Variants in RAD18 observed in about 807,000 individuals in gnomAD.
RAD18 encodes RAD18 E3 ubiquitin protein ligase.
A neutral mutation model predicts 60.4 loss-of-function variants in RAD18; 47 were observed. That is an observed-to-expected ratio of 0.78 (90% confidence interval 0.62 to 0.99). The LOEUF is 0.99. Ranked by LOEUF, RAD18 falls within the 50% of genes least tolerant of loss-of-function variation. The probability of loss-of-function intolerance (pLI) is 0.00; values close to 1 mark genes in which losing one functional copy is unlikely to be tolerated. For synonymous variants in RAD18, 225 were observed against 195.5 expected, an observed-to-expected ratio of 1.15 and a Z score of -1.26; for missense variants, 640 against 593.3, an observed-to-expected ratio of 1.08 and a Z score of -0.82.
At chr3:8,931,599 C>G (rs440496) in intron 7 of RAD18, 129,232 of 152,112 alleles carry the variant, frequency 0.85, 55,263 homozygotes, top group African/African-American at 0.93. Context: ...TCAGAAAACA[C>G]TGAACAACAA....
intron 9 of RAD18, among the ~76,000 whole-genome samples, chr3:8,908,775 C>T (rs1559768354): frequency 6.6e-6 from 1 of 152,182 alleles, no homozygotes; most frequent in Non-Finnish European, 1.5e-5. Flanking sequence ...CTCTTCCTTG[C>T]TTTATTTTTT....
intron 2 of RAD18, among the ~76,000 whole-genome samples, chr3:8,953,912 C>T (rs1249204659): frequency 6.6e-6 from 1 of 151,610 alleles, no homozygotes; most frequent in Non-Finnish European, 1.5e-5. Context: ...TTAAAACAAA[C>T]TGAAATATGA....
chr3:8,898,943 T>C lies in RAD18; in HGVS notation c.1273A>G (p.Ile425Val), dbSNP rs1371692638. Reference protein sequence around the residue: ...PDREEDSSSCIDIQEVLSSSE... With the variant: ...PDREEDSSSCVDIQEVLSSSE... ...GAAGAAAGAACTTCTTGAATATCAA[T>C]ACAGCTAGAAGAATCCTCTTCTCTG... Residue 425 changes from isoleucine to valine, a missense_variant, in exon 11 of 13, where the codon ATT becomes GTT. Transcript: ENST00000264926. The C allele has an allele frequency of 1.2e-6, 2 of 1,606,436 alleles. No homozygotes were observed. Among genetic ancestry groups the C allele is most frequent in the Non-Finnish European group, 1.7e-6 (2 of 1,175,460 alleles).
At chr3:8,950,383 C>T (rs1487071628) in intron 2 of RAD18, among the ~76,000 whole-genome samples, 1 of 152,124 alleles carries the variant, frequency 6.6e-6, no homozygotes, top group Non-Finnish European at 1.5e-5. Flanking sequence ...AACTATTTTA[C>T]AGAGCCTAAT....
rs2125049055 is a variant in RAD18 at position 8,896,144 on chromosome 3, T to C, written c.1322+2750A>G. 1.3e-5 allele frequency among the ~76,000 whole-genome samples: 2 copies of C among 152,382 alleles called. 1 individual carries two copies. ...TAAAACCCCCAGAACCAGGGTTTTC[T>C]GTCCAGGAGACATTCAGGACTCTTA... On this transcript the variant is annotated intron_variant, in intron 11 of 12. Coordinates refer to ENST00000264926, the MANE Select transcript of RAD18 (RefSeq NM_020165.4).
intron 7 of RAD18, among the ~76,000 whole-genome samples, chr3:8,931,966 T>G (rs1310986750): frequency 1.3e-5 from 2 of 152,202 alleles, no homozygotes; most frequent in Non-Finnish European, 2.9e-5. Context: ...ACTTTGACAT[T>G]TGACATTTAC....
At chr3:8,927,677 T>C (rs559033171) in intron 7 of RAD18, among the ~76,000 whole-genome samples, 18 of 152,266 alleles carry the variant, frequency 1.2e-4, no homozygotes, top group Non-Finnish European at 8.8e-5. Flanking sequence ...CCAACAATGA[T>C]AGACTGGGTT....
chr3:8,960,247 C>T (rs1424535895), intron 1 of RAD18, among the ~76,000 whole-genome samples: 1 of 152,142 alleles, frequency 6.6e-6, no homozygotes, highest in African/African-American at 2.4e-5. Context: ...TTCAAGGCTG[C>T]AGTGAGCCGT....
At chr3:8,898,008 G>A (rs575716116) in intron 11 of RAD18, among the ~76,000 whole-genome samples, 36 of 152,146 alleles carry the variant, frequency 2.4e-4, no homozygotes, top group Admixed American at 7.8e-4. Flanking sequence ...GGAGGTGGAG[G>A]TTGCAGTGAG....
At chr3:8,890,501 G>T in intron 11 of RAD18, 50 bp from the exon 12 acceptor site, 1 of 1,366,162 alleles carries the variant, frequency 7.3e-7, no homozygotes, top group Non-Finnish European at 1.0e-6. Flanking sequence ...AGACTGTATC[G>T]TCCCATTTAT....
At chr3:8,921,401 C>T (rs1348470680) in intron 7 of RAD18, among the ~76,000 whole-genome samples, 1 of 152,176 alleles carries the variant, frequency 6.6e-6, no homozygotes, top group African/African-American at 2.4e-5. Flanking sequence ...CCTGTAATCC[C>T]TGCACTTTGG....
At chr3:8,925,022 C>T (rs577979808) in intron 7 of RAD18, among the ~76,000 whole-genome samples, 32 of 151,952 alleles carry the variant, frequency 2.1e-4, no homozygotes, top group African/African-American at 7.2e-4. Flanking sequence ...AGAGCAAACA[C>T]ATTCAAAAGC....
At position 8,941,789 on chromosome 3, in the gene RAD18, C is replaced by T. The variant is rs1347973541; in HGVS notation, c.282G>A (p.Gln94=). 76 of 1,611,546 alleles carry T rather than the reference C, an allele frequency of 4.7e-5. No homozygotes were observed. The highest frequency in any genetic ancestry group is 6.3e-5 in the Non-Finnish European group (74 of 1,178,610). ...SLNFARNHLL[Q]FALESPAKSP... ...ATTTGGCTGGTGACTCTAAAGCAAA[C>T]TGCAGCAGATGATTCCTTGAAGCAC... Residue 94 remains glutamine (Q), a synonymous_variant, in exon 5 of 13, where the codon CAG becomes CAA. Transcript: ENST00000264926.
intron 7 of RAD18, among the ~76,000 whole-genome samples, chr3:8,935,452 A>G (rs1280712463): frequency 6.6e-6 from 1 of 152,194 alleles, no homozygotes; most frequent in Non-Finnish European, 1.5e-5. Flanking sequence ...TTTATCATTT[A>G]TTTCACTCAA....
rs143164750 is a variant in RAD18, at chr3:8,882,056, C to T, written c.1386-597G>A. Among the ~76,000 whole-genome samples the T allele has an allele frequency of 3.5e-4, 54 of 152,274 alleles. No individual in the cohort carries two copies. The East Asian group carries it at 9.3e-3, about 26-fold the overall frequency. ...TTGCCAGCTCTTTTCCACGAGCCTC[C>T]GTCAGGTGCTCACAAGAAAGACTGG... On this transcript the variant is annotated intron_variant, in intron 12 of 12. Transcript: ENST00000264926.
intron 6 of RAD18, among the ~76,000 whole-genome samples, chr3:8,937,516 A>ATATATATAATATATATATATATAT (rs1559790514): frequency 6.6e-6 from 1 of 152,062 alleles, no homozygotes; most frequent in African/African-American, 2.4e-5. Flanking sequence ...TAGAAGGGTT[A>ATATATATAATATATATATATATAT]AGGGCTGCCA....
rs191244514 is a variant in RAD18 at position 8,883,452 on chromosome 3, G to C, written c.1386-1993C>G. Among the ~76,000 whole-genome samples the C allele has an allele frequency of 2.7e-3, 413 of 152,290 alleles. 13 individuals carry two copies. Among genetic ancestry groups the C allele is most frequent in the Non-Finnish European group, 2.6e-4 (18 of 68,018 alleles). ...ATATGGCAACTAAAAGTGTCTGCTT[G>C]ATTAGCTTTGTAGTCCACTAATGAT... On this transcript the variant is annotated intron_variant, in intron 12 of 12. Coordinates refer to ENST00000264926, the MANE Select transcript of RAD18 (RefSeq NM_020165.4).
At chr3:8,925,031 G>T (rs1482655473) in intron 7 of RAD18, among the ~76,000 whole-genome samples, 182 of 138,148 alleles carry the variant, frequency 1.3e-3, no homozygotes, top group African/African-American at 3.7e-3. Flanking sequence ...ACATTCAAAA[G>T]CTAGCAGAAG....
chr3:8,912,543 C>G, intron 8 of RAD18, 171 bp from the exon 9 acceptor site: 1 of 416,186 alleles, frequency 2.4e-6, no homozygotes, highest in Non-Finnish European at 4.2e-6. Flanking sequence ...CCTTAAATAC[C>G]AGAAATGGTA....
Sources: gnomAD v4.1 joint callset for allele counts (sites outside exome capture counted in the v4.1 genomes callset) on GRCh38, gnomAD v4.1.1 for gene constraint, MANE v1.5 for transcripts, NCBI Gene and HGNC (gene_info 2026-07-23, HGNC 2026-07-21) for gene names.